The following DNHD1 variants were observed in gnomAD, a reference collection of about 807,000 sequenced individuals.
DNHD1 encodes dynein heavy chain domain 1, also known as dynein heavy chain domain-containing protein 1.
In DNHD1, 383 loss-of-function variants were observed where a neutral mutation model predicts 458.1. The observed-to-expected ratio is 0.84, with a 90% CI of 0.77 to 0.91. The LOEUF (loss-of-function observed/expected upper bound fraction) is 0.91, where lower values mean the gene tolerates loss of function less well. Ranked by LOEUF, DNHD1 falls within the 40% of genes least tolerant of loss-of-function variation. The probability of loss-of-function intolerance (pLI) is 0.00; values close to 1 mark genes in which losing one functional copy is unlikely to be tolerated. For missense variants in DNHD1, 5,336 were observed against 5,866.1 expected (o/e 0.91, Z 2.95); for synonymous variants, 2,203 against 2,376.9 (o/e 0.93, Z 2.13).
Position 6,557,383 on chromosome 11 carries a change from T to TGAG in DNHD1, c.8107_8109dup (p.Glu2703dup), listed in dbSNP as rs550093250. On this transcript the variant is annotated inframe_insertion, in exon 25 of 43. Coordinates refer to ENST00000254579, the MANE Select transcript of DNHD1 (RefSeq NM_144666.3). ...ACCTGGGCAAGGACCATCAGGAGAG[T>TGAG]GAGGAGGAGGAGGAGGAGGAGAGGG... is the stretch of plus-strand genomic sequence containing the variant. The TGAG allele has an allele frequency of 1.1e-4, 177 of 1,543,722 alleles. No individual in the cohort carries two copies. The South Asian group carries it at 1.5e-3, about 13-fold the overall frequency.
rs11040923 is a variant in DNHD1, at chr11:6,563,777, G to A, written c.9937G>A (p.Asp3313Asn). The change falls in exon 31 of 43, where the codon GAT (aspartate) becomes AAT (asparagine). Residue 3313 changes from aspartate (D) to asparagine (N), a missense_variant. Asp to Asn is a conservative substitution (Grantham distance 23). Coordinates refer to ENST00000254579, the MANE Select transcript of DNHD1 (RefSeq NM_144666.3). ...HLILKAPGMD[D>N]AALRAVSRPA... is the part of the protein sequence containing the mutation. ...AATTCTGAAGGCTCCAGGTATGGAC[G>A]ATGCAGCCCTGCGGGCAGTGAGCCG... 0.49 allele frequency: 753,187 copies of A among 1,551,386 alleles called. 189,372 individuals carry two copies. Among genetic ancestry groups the A allele is most frequent in the East Asian group, 0.69 (28,299 of 40,900 alleles).
At position 6,520,262 on chromosome 11, in the gene DNHD1, ACCT is replaced by A; in HGVS notation, c.1815_1817del (p.Ser606del). 13 of 1,552,288 alleles carry A rather than the reference ACCT, an allele frequency of 8.4e-6. No individual in the cohort carries two copies. The highest frequency in any genetic ancestry group is 1.1e-5 in the Non-Finnish European group (13 of 1,147,252). ...GGTAGTGCAGTCTGCAGACCTGAAG[ACCT>A]CCTCGGATTCCCTGTATTCTGAAGG... is the stretch of plus-strand genomic sequence containing the variant. On this transcript the variant is annotated inframe_deletion, in exon 10 of 43. Transcript: ENST00000254579.
chr11:6,520,001 G>A lies in DNHD1; in HGVS notation c.1684G>A (p.Val562Ile). 6.2e-7 allele frequency: 1 copy of A among 1,614,130 alleles called. No individual in the cohort carries two copies. ...GAAACCCTTTCTCTCATCACAGCTG[G>A]TCTTTGATGATCATGGTCAACTGTC... is the stretch of plus-strand genomic sequence containing the variant. Reference protein sequence around the residue: ...RQKPFLSSQLVFDDHGQLSHV... With the variant: ...RQKPFLSSQLIFDDHGQLSHV... The change falls in exon 9 of 43, where the codon GTC becomes ATC. Residue 562 changes from valine to isoleucine, a missense_variant. Val to Ile is a conservative substitution (Grantham distance 29, BLOSUM62 3). Transcript: ENST00000254579.
intron 3 of DNHD1, among the ~76,000 whole-genome samples, chr11:6,500,570 C>A (rs1175186875): frequency 4.6e-5 from 7 of 152,222 alleles, no homozygotes; most frequent in African/African-American, 1.4e-4. Flanking sequence ...GCCTTGAGTA[C>A]AAGTTTCCTT....
chr11:6,528,062 A>G (rs1852745624), intron 10 of DNHD1, among the ~76,000 whole-genome samples: 1 of 152,208 alleles, frequency 6.6e-6, no homozygotes, highest in African/African-American at 2.4e-5. Flanking sequence ...ACTTTGATTC[A>G]GAATTGAATT....
chr11:6,537,685 C>G (rs938496363), intron 14 of DNHD1, among the ~76,000 whole-genome samples: 2 of 152,198 alleles, frequency 1.3e-5, no homozygotes, highest in African/African-American at 4.8e-5. Flanking sequence ...ATAATCCCAG[C>G]ACTTTGGGAG....
intron 14 of DNHD1, among the ~76,000 whole-genome samples, chr11:6,535,655 A>C (rs1371569434): frequency 6.6e-6 from 1 of 152,254 alleles, no homozygotes; most frequent in East Asian, 1.9e-4. Context: ...AAGTAAAGGC[A>C]TTTATTATGC....
chr11:6,568,817 C>T lies in DNHD1; in HGVS notation c.12814C>T (p.Leu4272=). ...TCTGCTCCTCCTCCATGGCCTCCTG[C>T]TACACCGGCAGCTCTATGGAACAAG... is the stretch of plus-strand genomic sequence containing the variant. ...LPLLLLHGLL[L]HRQLYGTRLQ... The change falls in exon 39 of 43, where the codon CTA becomes TTA. Residue 4272 remains leucine, a synonymous_variant. Transcript: ENST00000254579. 1 of 1,613,206 alleles carries T rather than the reference C, an allele frequency of 6.2e-7. No homozygotes were observed. Among genetic ancestry groups the T allele is most frequent in the Non-Finnish European group, 8.5e-7 (1 of 1,179,628 alleles).
In DNHD1 at chr11:6,540,050, G is replaced by A. The variant is rs745656757; in HGVS notation, c.3595G>A (p.Val1199Met). ...QVLRSPQWEV[V>M]DKDSGTFILS... The stretch of plus-strand genomic sequence containing the variant: ...GCTCCGCAGCCCCCAATGGGAGGTA[G>A]TGGACAAAGATAGTGGCACCTTCAT... Residue 1199 changes from valine to methionine, a missense_variant, in exon 18 of 43, where the codon GTG (valine) becomes ATG (methionine). Physicochemically the swap from Val to Met is conservative, Grantham distance 21. Transcript: ENST00000254579. 4.5e-6 allele frequency: 7 copies of A among 1,551,740 alleles called. No homozygotes were observed. The highest frequency in any genetic ancestry group is 1.2e-5 in the South Asian group (1 of 84,066).
intron 19 of DNHD1, 119 bp downstream of exon 19, chr11:6,544,365 C>A: frequency 8.2e-7 from 1 of 1,220,662 alleles, no homozygotes; most frequent in Non-Finnish European, 1.1e-6. Flanking sequence ...GTGAGGACCT[C>A]CTTCAGGGCT....
rs925228030 is a variant in DNHD1, at chr11:6,570,352, C to T, written c.13061C>T (p.Pro4354Leu). 3.1e-6 allele frequency: 5 copies of T among 1,612,010 alleles called. No homozygotes were observed. In the African/African-American group the frequency reaches 6.7e-5, roughly 22 times the overall value. Residue 4354 changes from proline (P) to leucine (L), a missense_variant, in exon 41 of 43, where the codon CCA (proline) becomes CTA (leucine). Pro to Leu is a moderately conservative substitution (Grantham distance 98, BLOSUM62 -3). This residue lies in a region of DNHD1 where 698 missense variants were observed against 664.9 expected (regional missense o/e 1.05). Coordinates refer to ENST00000254579, the MANE Select transcript of DNHD1 (RefSeq NM_144666.3). ...CCCAGTAGTGGGAGCTGGGTCCAGCCACACACACCTCAGTCTTTGCTGGCC... is the reference window on the plus strand; with the variant it reads ...CCCAGTAGTGGGAGCTGGGTCCAGCTACACACACCTCAGTCTTTGCTGGCC... ...LSPSSGSWVQ[P>L]HTPQSLLATL...
At chr11:6,553,703 TAACAA>T (rs1853407388) in intron 24 of DNHD1, among the ~76,000 whole-genome samples, 1 of 152,154 alleles carries the variant, frequency 6.6e-6, no homozygotes, top group Non-Finnish European at 1.5e-5. Context: ...TATATCCTAG[TAACAA>T]AACATTGGAA....
Position 6,548,981 on chromosome 11 carries a change from G to T in DNHD1, c.7387+48G>T. On this transcript the variant is annotated intron_variant, in intron 24 of 42. Transcript: ENST00000254579. The surrounding 1 kb of genome is among the most constrained non-coding windows in gnomAD (Gnocchi z 4.4). ...GGAAGGAGCTACTGTCATCTCTTGA[G>T]ACTATAAAATCCCTAGCAATATTCA... The T allele has an allele frequency of 2.0e-6, 3 of 1,528,414 alleles. No homozygotes were observed. Among genetic ancestry groups the T allele is most frequent in the Non-Finnish European group, 2.6e-6 (3 of 1,134,890 alleles). The allele number at this position is 1,528,414 out of a possible 1,614,324, so 94.7% of individuals were successfully genotyped here.
chr11:6,502,173 T>A (rs1852150785), intron 3 of DNHD1, among the ~76,000 whole-genome samples: 1 of 152,006 alleles, frequency 6.6e-6, no homozygotes, highest in African/African-American at 2.4e-5. Context: ...AGAGGATGAG[T>A]GTATTGGTGC....
At chr11:6,566,799 G>A (rs1269213342) in intron 35 of DNHD1, 34 bp downstream of exon 35, 6 of 1,602,488 alleles carry the variant, frequency 3.7e-6, no homozygotes, top group Non-Finnish European at 4.3e-6. Flanking sequence ...GTTGAGATGA[G>A]CATTGGATGG....
At chr11:6,523,506 A>C (rs1852646812) in intron 10 of DNHD1, among the ~76,000 whole-genome samples, 1 of 152,124 alleles carries the variant, frequency 6.6e-6, no homozygotes, top group Non-Finnish European at 1.5e-5. Flanking sequence ...TGTCTGAGTC[A>C]CTCATTCAAG....
intron 7 of DNHD1, among the ~76,000 whole-genome samples, chr11:6,515,920 G>A (rs538919680): frequency 6.6e-6 from 1 of 151,564 alleles, no homozygotes; most frequent in Admixed American, 6.6e-5. Flanking sequence ...TGAGTAACTG[G>A]GACTACAGAC....
At chr11:6,540,578 A>C (rs2134421969) in intron 18 of DNHD1, among the ~76,000 whole-genome samples, 1 of 152,312 alleles carries the variant, frequency 6.6e-6, no homozygotes, top group Admixed American at 6.5e-5. Flanking sequence ...ATAGGGATAA[A>C]CACAATGGAG....
In DNHD1 at chr11:6,546,297, C is replaced by T; in HGVS notation, c.5358C>T (p.Gly1786=). The T allele has an allele frequency of 6.4e-7, 1 of 1,552,408 alleles. No individual in the cohort carries two copies. The highest frequency in any genetic ancestry group is 8.7e-7 in the Non-Finnish European group (1 of 1,147,148). Reference sequence around the variant, plus strand: ...ACCCCACCCAGCCCCAGCTCCTTGGCAGTAGCTTCTTTGAAAAACATCACG... The same window carrying T: ...ACCCCACCCAGCCCCAGCTCCTTGGTAGTAGCTTCTTTGAAAAACATCACG... The part of the protein sequence containing the change: ...TIDPTQPQLL[G]SSFFEKHHVS... Residue 1786 remains glycine, a synonymous_variant, in exon 21 of 43, where the codon GGC becomes GGT. Coordinates refer to ENST00000254579, the MANE Select transcript of DNHD1 (RefSeq NM_144666.3).
Sources: allele counts gnomAD v4.1 joint callset (sites outside exome capture counted in the v4.1 genomes callset), GRCh38; gene constraint gnomAD v4.1.1; regional missense constraint gnomAD v4.1.1; non-coding constraint Gnocchi (gnomAD v3.1); transcripts MANE v1.5; gene names NCBI Gene and HGNC (gene_info 2026-07-23, HGNC 2026-07-21).